Variants in TP73 observed in about 807,000 individuals in gnomAD.
The protein encoded by TP73 is p53-like transcription factor.
Under a neutral mutation model 62.5 loss-of-function variants are expected in TP73, and 25 were observed. That is an observed-to-expected ratio of 0.40 (90% CI 0.29 to 0.56). The LOEUF (loss-of-function observed/expected upper bound fraction) is 0.56, where lower values mean the gene tolerates loss of function less well. TP73 is among the 20% of genes least tolerant of loss of function. The pLI is 0.46. For missense variants in TP73, 754 were observed against 913.3 expected (o/e 0.83, Z 2.25); for synonymous variants, 423 against 377.5 (o/e 1.12, Z -1.40).
At chr1:3,718,297 C>T (rs1570588456) in intron 4 of TP73, among the ~76,000 whole-genome samples, 1 of 152,344 alleles carries the variant, frequency 6.6e-6, no homozygotes, top group East Asian at 1.9e-4. Flanking sequence ...TCAGACAGTG[C>T]AGAGACGGGA....
intron 4 of TP73, among the ~76,000 whole-genome samples, chr1:3,721,141 C>T (rs903712130): frequency 2.6e-5 from 4 of 152,220 alleles, no homozygotes; most frequent in South Asian, 4.1e-4. Context: ...GCCCCTGCAG[C>T]GGCCTCAGCG....
At position 3,727,743 on chromosome 1, in the gene TP73, G is replaced by GC; in HGVS notation, c.960dup (p.Lys321GlnfsTer46). On this transcript the variant is annotated frameshift_variant, in exon 8 of 14. Coordinates refer to ENST00000378295, the MANE Select transcript of TP73 (RefSeq NM_005427.4). LOFTEE classifies it high-confidence loss of function. ...GCAGCAGGCCCTGAACGAGAGCTCC[G>GC]CCAAGAACGGGGCCGCCAGCAAGCG... The GC allele has an allele frequency of 6.4e-7, 1 of 1,551,004 alleles. No individual in the cohort carries two copies.
At position 3,722,129 on chromosome 1, in the gene TP73, G is replaced by T. The variant is rs745902034; in HGVS notation, c.538G>T (p.Val180Phe). 2 of 1,612,878 alleles carry T rather than the reference G, an allele frequency of 1.2e-6. No individual in the cohort carries two copies. Among genetic ancestry groups the T allele is most frequent in the Non-Finnish European group, 1.7e-6 (2 of 1,179,868 alleles). The change falls in exon 5 of 14, where the codon GTT (valine) becomes TTT (phenylalanine). Residue 180 changes from valine to phenylalanine, a missense_variant. Val to Phe is a conservative substitution (Grantham distance 50). Coordinates refer to ENST00000378295, the MANE Select transcript of TP73 (RefSeq NM_005427.4). ...AGGCACCGCCATCCGGGCCATGCCT[G>T]TTTACAAGAAAGCGGAGCACGTGAC... is the stretch of plus-strand genomic sequence containing the variant. Reference protein sequence around the residue: ...PPGTAIRAMPVYKKAEHVTDV... With the variant: ...PPGTAIRAMPFYKKAEHVTDV...
At chr1:3,682,283 CAG>C in intron 1 of TP73, 48 bp from the exon 2 acceptor site, 2 of 1,344,008 alleles carry the variant, frequency 1.5e-6, no homozygotes, top group South Asian at 3.5e-5. Flanking sequence ...CACAGGAGGA[CAG>C]AGCACGAGTT....
intron 1 of TP73, among the ~76,000 whole-genome samples, chr1:3,658,301 CG>C: frequency 6.6e-6 from 1 of 152,300 alleles, no homozygotes; most frequent in African/African-American, 2.4e-5. Context: ...CTCTTCCCTA[CG>C]GGGTTCTTGT....
At chr1:3,726,598 G>GGGTGGGTT (rs1641641187) in intron 6 of TP73, among the ~76,000 whole-genome samples, 1 of 148,912 alleles carries the variant, frequency 6.7e-6, no homozygotes, top group African/African-American at 2.5e-5. Context: ...TGGATGGATG[G>GGGTGGGTT]GGTGGATGGA....
chr1:3,690,786 C>T (rs952161879), intron 3 of TP73: 24 of 1,517,556 alleles, frequency 1.6e-5, no homozygotes, highest in East Asian at 9.9e-5. Flanking sequence ...GAGCCTCTCC[C>T]GCTCGGTCCA....
intron 3 of TP73, 60 bp downstream of exon 3, chr1:3,683,240 T>C: frequency 1.3e-6 from 2 of 1,540,228 alleles, no homozygotes; most frequent in Non-Finnish European, 1.8e-6. Flanking sequence ...ATGTGGCCTG[T>C]CCTGTCTTGG....
At chr1:3,667,448 C>T (rs1435999450) in intron 1 of TP73, among the ~76,000 whole-genome samples, 1 of 152,224 alleles carries the variant, frequency 6.6e-6, no homozygotes, top group African/African-American at 2.4e-5. Context: ...CAGCTCTTGC[C>T]TGATAGGCAT....
intron 3 of TP73, among the ~76,000 whole-genome samples, chr1:3,695,094 C>A (rs6700120): frequency 1.3e-5 from 2 of 152,226 alleles, no homozygotes; most frequent in African/African-American, 4.8e-5. Context: ...TCTGAGTCTG[C>A]GGCTCCCACG....
intron 1 of TP73, among the ~76,000 whole-genome samples, chr1:3,673,212 GT>G (rs1159017498): frequency 6.6e-6 from 1 of 152,224 alleles, no homozygotes; most frequent in Non-Finnish European, 1.5e-5. Context: ...TAAAAGTGGG[GT>G]GAGACACGCG....
intron 4 of TP73, among the ~76,000 whole-genome samples, chr1:3,720,966 G>A (rs1171569931): frequency 1.3e-5 from 2 of 152,242 alleles, no homozygotes; most frequent in Non-Finnish European, 2.9e-5. Flanking sequence ...GTCATCGGGG[G>A]CTGGTGAGGG....
chr1:3,702,604 G>A (rs184769387), intron 3 of TP73, among the ~76,000 whole-genome samples: 18 of 152,308 alleles, frequency 1.2e-4, no homozygotes, highest in Admixed American at 1.2e-3. Flanking sequence ...TATTTCCCCT[G>A]GCAGAGCACT....
chr1:3,730,927 GC>G lies in TP73; in HGVS notation c.1350del (p.Met452CysfsTer15). On this transcript the variant is annotated frameshift_variant and splice_region_variant, in exon 12 of 14. Coordinates refer to ENST00000378295, the MANE Select transcript of TP73 (RefSeq NM_005427.4). LOFTEE classifies it high-confidence loss of function. ...SAATPNLGPV[G>X]PGMLNNHGHA... ...ATGGCCCCACCTGCCTCTCACCCAG[GC>G]CCCGGGATGCTCAACAACCATGGCC... 1 of 1,602,102 alleles carries G rather than the reference GC, an allele frequency of 6.2e-7. No homozygotes were observed. The highest frequency in any genetic ancestry group is 8.5e-7 in the Non-Finnish European group (1 of 1,175,032).
intron 4 of TP73, chr1:3,714,037 G>C (rs548503186): frequency 6.6e-6 from 1 of 152,400 alleles, no homozygotes; most frequent in East Asian, 1.9e-4. Context: ...TGCCACTGGA[G>C]CGAGGCACCC....
chr1:3,688,460 C>T (rs1311423554), intron 3 of TP73, among the ~76,000 whole-genome samples: 1 of 152,198 alleles, frequency 6.6e-6, no homozygotes, highest in Non-Finnish European at 1.5e-5. Context: ...CTGAAGAGTG[C>T]CGTGGCCTGC....
intron 4 of TP73, among the ~76,000 whole-genome samples, chr1:3,716,817 G>A (rs578144895): frequency 3.3e-5 from 5 of 152,162 alleles, no homozygotes; most frequent in African/African-American, 1.2e-4. Context: ...GTGAACCCAC[G>A]AATTTAATGG....
intron 3 of TP73, chr1:3,690,724 C>T: frequency 7.0e-7 from 1 of 1,433,596 alleles, no homozygotes; most frequent in Non-Finnish European, 9.1e-7. Flanking sequence ...AAAATGCCAA[C>T]AAACGGCCCG....
At position 3,682,372 on chromosome 1, in the gene TP73, C is replaced by A; in HGVS notation, c.7C>A (p.Gln3Lys). 6.4e-7 allele frequency: 1 copy of A among 1,551,542 alleles called. No homozygotes were observed. Among genetic ancestry groups the A allele is most frequent in the Non-Finnish European group, 8.7e-7 (1 of 1,144,626 alleles). Residue 3 changes from glutamine to lysine, a missense_variant, in exon 2 of 14, where the codon CAG becomes AAG. Transcript: ENST00000378295. ...GGAGGCCGGCGTGGGGAAGATGGCC[C>A]AGTCCACCGCCACCTCCCCTGATGG... The part of the protein sequence containing the change: MA[Q>K]STATSPDGGT...
Sources: gnomAD v4.1 joint callset for allele counts (sites outside exome capture counted in the v4.1 genomes callset) on GRCh38, gnomAD v4.1.1 for gene constraint, MANE v1.5 for transcripts, NCBI Gene and HGNC (gene_info 2026-07-23, HGNC 2026-07-21) for gene names.